The following ENTREP1 variants were observed in gnomAD, a reference collection of about 807,000 sequenced individuals.
ENTREP1 encodes endosomal transmembrane epsin interactor 1.
the ENTREP1 span, among the ~76,000 whole-genome samples, chr9:69,329,094 C>G: frequency 2.0e-5 from 3 of 152,172 alleles, no homozygotes; most frequent in Non-Finnish European, 4.4e-5. Flanking sequence ...TTTATTCACT[C>G]ACAAGTTTTA....
the ENTREP1 span, among the ~76,000 whole-genome samples, chr9:69,369,987 A>G: frequency 1.3e-5 from 2 of 152,134 alleles, no homozygotes; most frequent in Admixed American, 1.3e-4. Context: ...AATATTTTCT[A>G]CCAGTCTGTA....
chr9:69,371,367 G>A, the ENTREP1 span: 1 of 799,232 alleles, frequency 1.3e-6, no homozygotes, highest in Non-Finnish European at 2.2e-6. Context: ...TTTGTACATT[G>A]AAAACACGGT....
chr9:69,387,865 C>G, the ENTREP1 span: 1 of 1,309,740 alleles, frequency 7.6e-7, no homozygotes, highest in South Asian at 1.4e-5. Context: ...GAAACTTAAC[C>G]TCATTATGGT....
At chr9:69,372,748 T>C in the ENTREP1 span, among the ~76,000 whole-genome samples, 1 of 152,140 alleles carries the variant, frequency 6.6e-6, no homozygotes, top group African/African-American at 2.4e-5. Context: ...TGAGGAAACT[T>C]TGTATGGTTT....
At chr9:69,371,391 T>A in the ENTREP1 span, 68 of 882,418 alleles carry the variant, frequency 7.7e-5, no homozygotes, top group Non-Finnish European at 1.2e-4. Context: ...GATCTTTTTT[T>A]AAAAAAATGT....
At chr9:69,336,048 A>G in the ENTREP1 span, among the ~76,000 whole-genome samples, 13 of 152,270 alleles carry the variant, frequency 8.5e-5, 1 homozygote, top group Admixed American at 6.5e-5. Context: ...GTAAAAGTCC[A>G]AAGTGGTCTA....
chr9:69,375,684 G>C, the ENTREP1 span: 2 of 1,437,848 alleles, frequency 1.4e-6, no homozygotes, highest in Admixed American at 1.7e-5. Flanking sequence ...GTAGAGCCAG[G>C]GTATTTTTTC....
the ENTREP1 span, chr9:69,391,617 A>C: frequency 6.2e-7 from 1 of 1,613,934 alleles, no homozygotes; most frequent in Non-Finnish European, 8.5e-7. Context: ...GCCCCATTGC[A>C]GCCCAGCACA....
the ENTREP1 span, chr9:69,383,461 C>A: frequency 6.7e-7 from 1 of 1,483,682 alleles, no homozygotes; most frequent in Non-Finnish European, 8.9e-7. Flanking sequence ...CTGGCCACTT[C>A]GTCGGAGAGC....
chr9:69,327,058 G>T, the ENTREP1 span, among the ~76,000 whole-genome samples: 2 of 150,516 alleles, frequency 1.3e-5, no homozygotes, highest in Non-Finnish European at 2.9e-5. Context: ...CAAAGTAATT[G>T]TTTGAATAAG....
At chr9:69,340,436 C>G in the ENTREP1 span, among the ~76,000 whole-genome samples, 1 of 152,112 alleles carries the variant, frequency 6.6e-6, no homozygotes, top group East Asian at 1.9e-4. Flanking sequence ...CAAGTTTTCA[C>G]GGAAATTCAG....
At chr9:69,383,979 A>G in the ENTREP1 span, 1 of 1,613,936 alleles carries the variant, frequency 6.2e-7, no homozygotes, top group Non-Finnish European at 8.5e-7. Context: ...AAGGATCAGA[A>G]GCTGCTGTGA....
the ENTREP1 span, among the ~76,000 whole-genome samples, chr9:69,357,487 G>A: frequency 6.6e-6 from 1 of 152,194 alleles, no homozygotes; most frequent in Non-Finnish European, 1.5e-5. Context: ...AAGAGCAACA[G>A]TCGGTTCTGT....
chr9:69,344,747 T>C, the ENTREP1 span, among the ~76,000 whole-genome samples: 3 of 152,308 alleles, frequency 2.0e-5, no homozygotes, highest in East Asian at 5.8e-4. Flanking sequence ...TTGGAACTTA[T>C]TGGGCAAAGG....
the ENTREP1 span, among the ~76,000 whole-genome samples, chr9:69,376,596 T>G: frequency 6.6e-6 from 1 of 152,188 alleles, no homozygotes; most frequent in African/African-American, 2.4e-5. Context: ...ATATTTGTTT[T>G]GGGTTTCATT....
chr9:69,369,078 G>A, the ENTREP1 span, among the ~76,000 whole-genome samples: 2 of 152,118 alleles, frequency 1.3e-5, no homozygotes, highest in Non-Finnish European at 2.9e-5. Context: ...AGAACATGCG[G>A]TGTTTGGTTT....
chr9:69,376,613 G>A, the ENTREP1 span, among the ~76,000 whole-genome samples: 6 of 152,136 alleles, frequency 3.9e-5, no homozygotes, highest in African/African-American at 1.4e-4. Flanking sequence ...CATTTTGGTG[G>A]GGAGGAAGAA....
the ENTREP1 span, among the ~76,000 whole-genome samples, chr9:69,389,627 TTGTC>T: frequency 6.6e-6 from 1 of 152,176 alleles, no homozygotes; most frequent in African/African-American, 2.4e-5. Flanking sequence ...CCAGATGTCA[TTGTC>T]TGTCACCTTC....
the ENTREP1 span, among the ~76,000 whole-genome samples, chr9:69,332,771 A>G: frequency 6.6e-6 from 1 of 152,238 alleles, no homozygotes; most frequent in Non-Finnish European, 1.5e-5. Context: ...AAAGAATAGA[A>G]ATACCTTTCA....
Sources: gnomAD v4.1 joint callset for allele counts (sites outside exome capture counted in the v4.1 genomes callset) on GRCh38, gnomAD v4.1.1 for gene constraint, MANE v1.5 for transcripts, NCBI Gene and HGNC (gene_info 2026-07-23, HGNC 2026-07-21) for gene names.